Variants in MYO16 observed in about 807,000 individuals in gnomAD.
MYO16 encodes myosin XVI, also known as unconventional myosin-XVI.
Under a neutral mutation model 205.3 loss-of-function variants are expected in MYO16, and 94 were observed. That is an observed-to-expected ratio of 0.46 (90% CI 0.39 to 0.54). The LOEUF is 0.54. MYO16 is among the 20% of genes least tolerant of loss of function. The pLI is 0.00. For missense variants in MYO16, 2,315 were observed against 2,387.5 expected (o/e 0.97, Z 0.63); for synonymous variants, 988 against 954.0 (o/e 1.04, Z -0.66).
At chr13:109,196,425 C>T (rs2139958104) in intron 34 of MYO16, among the ~76,000 whole-genome samples, 1 of 152,140 alleles carries the variant, frequency 6.6e-6, no homozygotes, top group Admixed American at 6.5e-5. Flanking sequence ...GGTGAGTATC[C>T]CAACCCATAG....
At chr13:108,882,950 G>C in intron 12 of MYO16, 109 bp from the exon 13 acceptor site, 1 of 1,394,044 alleles carries the variant, frequency 7.2e-7, no homozygotes, top group Non-Finnish European at 9.7e-7. Flanking sequence ...TTCAGAATTA[G>C]GGATTCATTC....
At chr13:108,754,971 CAGAGAGAG>C (rs10596764) in intron 4 of MYO16, among the ~76,000 whole-genome samples, 2 of 151,808 alleles carry the variant, frequency 1.3e-5, no homozygotes, top group Admixed American at 6.6e-5. Context: ...GAGAGAGAGA[CAGAGAGAG>C]AGAACATGTG....
chr13:108,650,357 A>T (rs1000536128), intron 1 of MYO16, among the ~76,000 whole-genome samples: 1 of 152,238 alleles, frequency 6.6e-6, no homozygotes, highest in Non-Finnish European at 1.5e-5. Context: ...GACTAAAGGC[A>T]TCCAGGAAGC....
chr13:108,590,225 C>G, the MYO16 span, among the ~76,000 whole-genome samples: 1 of 152,182 alleles, frequency 6.6e-6, no homozygotes, highest in African/African-American at 2.4e-5. Context: ...GGAAGTACTA[C>G]ACATATTCAC....
chr13:108,960,028 T>G (rs1680240526), intron 17 of MYO16, among the ~76,000 whole-genome samples: 1 of 151,314 alleles, frequency 6.6e-6, no homozygotes, highest in Admixed American at 6.6e-5. Flanking sequence ...ATCCCAGCAC[T>G]TTGGGAGACC....
intron 25 of MYO16, chr13:109,054,314 T>C (rs557918018): frequency 2.2e-5 from 9 of 403,906 alleles, no homozygotes; most frequent in South Asian, 1.7e-4. Flanking sequence ...AGATAGGTAA[T>C]TTAGTAACCT....
rs570785958 is a variant in MYO16, at chr13:108,793,710, T to A, written c.741+70T>A. 95 of 1,438,970 alleles carry A rather than the reference T, an allele frequency of 6.6e-5. 1 individual carries two copies. The East Asian group carries it at 2.2e-3, about 33-fold the overall frequency. 89.1% of individuals were successfully genotyped at this position (1,438,970 alleles called of 1,614,324 possible). The stretch of plus-strand genomic sequence containing the variant: ...TAAGTTGATCTATAAAACATAGAAT[T>A]CATTAAATTAACCTTTAAATAATTG... On this transcript the variant is annotated intron_variant, in intron 6 of 34. Transcript: ENST00000457511.
At chr13:108,653,834 C>T (rs1233999037) in intron 1 of MYO16, among the ~76,000 whole-genome samples, 4 of 151,224 alleles carry the variant, frequency 2.6e-5, no homozygotes, top group Admixed American at 6.6e-5. Flanking sequence ...TAGACTGTGT[C>T]CCCTAGAAGC....
intron 2 of MYO16, among the ~76,000 whole-genome samples, chr13:108,688,157 A>G (rs890016799): frequency 2.0e-5 from 3 of 152,220 alleles, no homozygotes; most frequent in Non-Finnish European, 4.4e-5. Flanking sequence ...AAAATAGGAA[A>G]TTACAAGACC....
At chr13:108,738,285 TC>T (rs1884776412) in intron 4 of MYO16, among the ~76,000 whole-genome samples, 1 of 152,194 alleles carries the variant, frequency 6.6e-6, no homozygotes, top group African/African-American at 2.4e-5. Context: ...GCTATAAATT[TC>T]CCTCTACACG....
At chr13:108,795,101 A>C (rs1229707851) in intron 6 of MYO16, among the ~76,000 whole-genome samples, 2 of 151,966 alleles carry the variant, frequency 1.3e-5, no homozygotes, top group Admixed American at 1.3e-4. Context: ...AAAGTTTATA[A>C]ATTTATAAAT....
At chr13:109,143,400 G>A (rs1417029500) in intron 32 of MYO16, among the ~76,000 whole-genome samples, 1 of 152,118 alleles carries the variant, frequency 6.6e-6, no homozygotes, top group Non-Finnish European at 1.5e-5. Flanking sequence ...AAATGAAATT[G>A]TACTTCTAAA....
At chr13:108,699,175 A>G (rs1253781867) in intron 2 of MYO16, among the ~76,000 whole-genome samples, 3 of 112,062 alleles carry the variant, frequency 2.7e-5, no homozygotes, top group East Asian at 8.1e-4. Context: ...CATATATACT[A>G]TATACACACA....
chr13:109,022,598 C>G (rs188333237), intron 23 of MYO16, among the ~76,000 whole-genome samples: 40 of 129,176 alleles, frequency 3.1e-4, no homozygotes, highest in African/African-American at 1.1e-3. Context: ...TTTCTATATT[C>G]TATATACGCA....
the MYO16 span, among the ~76,000 whole-genome samples, chr13:108,519,637 ACACACACACACC>A: frequency 1.6e-3 from 236 of 149,532 alleles, no homozygotes; most frequent in African/African-American, 5.0e-3. Context: ...ACACACACAC[ACACACACACACC>A]CACACACACA....
At chr13:108,538,373 G>A in the MYO16 span, among the ~76,000 whole-genome samples, 1 of 152,032 alleles carries the variant, frequency 6.6e-6, no homozygotes, top group Non-Finnish European at 1.5e-5. Context: ...TGTTAAACAA[G>A]GTAAGTGAGC....
At chr13:109,184,591 A>G (rs1879597528) in intron 34 of MYO16, among the ~76,000 whole-genome samples, 1 of 149,232 alleles carries the variant, frequency 6.7e-6, no homozygotes, top group Non-Finnish European at 1.5e-5. Flanking sequence ...AGTAGTGACT[A>G]TGTTTTTTTT....
rs1322968415 is a variant in MYO16 at position 109,100,785 on chromosome 13, G to A, written c.3336G>A (p.Arg1112=). The stretch of plus-strand genomic sequence containing the variant: ...TTTCTGTCTCTGCTGCTTTTCACAG[G>A]TATAAGCCACTGGCTGATACATTCC... The part of the protein sequence containing the change: ...VRLSFSDFLS[R]YKPLADTFLR... Residue 1112 remains arginine (R), a splice_region_variant and synonymous_variant, in exon 28 of 35, where the codon AGG becomes AGA. Transcript: ENST00000457511. 1.2e-6 allele frequency: 2 copies of A among 1,610,848 alleles called. No homozygotes were observed. Among genetic ancestry groups the A allele is most frequent in the Admixed American group, 3.3e-5 (2 of 59,924 alleles).
At position 109,207,038 on chromosome 13, in the gene MYO16, A is replaced by G. The variant is rs1226280973; in HGVS notation, c.*202A>G. On this transcript the variant is annotated 3_prime_UTR_variant, in exon 35 of 35. Coordinates refer to ENST00000457511, the MANE Select transcript of MYO16 (RefSeq NM_001198950.3). ...TGTGTGTGTGGGTTCTTTCTTATCCATCTCGTGGTGATACACTCTGATTTT... is the reference window on the plus strand; with the variant it reads ...TGTGTGTGTGGGTTCTTTCTTATCCGTCTCGTGGTGATACACTCTGATTTT... 1.5e-5 allele frequency: 8 copies of G among 550,118 alleles called. No individual in the cohort carries two copies. Among genetic ancestry groups the G allele is most frequent in the Non-Finnish European group, 2.6e-5 (8 of 308,970 alleles). The allele number at this position is 550,118 out of a possible 1,614,324, so 34.1% of individuals were successfully genotyped here.
Sources: gnomAD v4.1 joint callset for allele counts (sites outside exome capture counted in the v4.1 genomes callset) on GRCh38, gnomAD v4.1.1 for gene constraint, MANE v1.5 for transcripts, NCBI Gene and HGNC (gene_info 2026-07-23, HGNC 2026-07-21) for gene names.